Variants in LIMS2 observed in about 807,000 individuals in gnomAD.
The protein encoded by LIMS2 is LIM and senescent cell antigen-like-containing domain protein 2.
Under a neutral mutation model 45.3 loss-of-function variants are expected in LIMS2, and 30 were observed. The ratio of observed to expected loss-of-function variants is 0.66; its 90% CI spans 0.50 to 0.90. The LOEUF is 0.90. Ranked by LOEUF, LIMS2 falls within the 40% of genes least tolerant of loss-of-function variation. The pLI, the probability that LIMS2 is intolerant of heterozygous loss-of-function variation, is 0.00. For missense variants in LIMS2, 485 were observed against 468.7 expected (o/e 1.03, Z -0.32); for synonymous variants, 173 against 188.0 (o/e 0.92, Z 0.65).
chr2:127,664,411 G>A lies in LIMS2; in HGVS notation c.12-6849C>T, dbSNP rs1435434781. ...CATGGCGCGGGGCAGCCGCCTTGAG[G>A]TCGCGGGCGCGGGCCGCCTGGTGCA... On this transcript the variant is annotated intron_variant, in intron 1 of 9. Coordinates refer to ENST00000355119, the MANE Select transcript of LIMS2 (RefSeq NM_001161403.3). This position sits in a 1 kb window ranked among gnomAD's most constrained non-coding sequence, Gnocchi z 5.5. 3 of 1,196,488 alleles carry A rather than the reference G, an allele frequency of 2.5e-6. No individual in the cohort carries two copies. The highest frequency in any genetic ancestry group is 3.1e-6 in the Non-Finnish European group (3 of 965,266). The allele number at this position is 1,196,488 out of a possible 1,614,324, so 74.1% of individuals were successfully genotyped here. A position where few individuals can be genotyped will look rare whatever the true frequency, so the allele number is the denominator to read the frequency against.
chr2:127,640,644 G>C (rs1335395451), intron 7 of LIMS2: 2 of 597,190 alleles, frequency 3.3e-6, no homozygotes, highest in Admixed American at 5.9e-5. Flanking sequence ...GGAGGGGGTT[G>C]CTGGCACTGT....
chr2:127,650,300 A>G, intron 4 of LIMS2: 1 of 577,030 alleles, frequency 1.7e-6, no homozygotes. Flanking sequence ...GGAATCCCGG[A>G]GACACACTGC....
In LIMS2 at chr2:127,640,084, G is replaced by C; in HGVS notation, c.864C>G (p.Ser288Arg). 6.2e-7 allele frequency: 1 copy of C among 1,613,504 alleles called. No individual in the cohort carries two copies. The highest frequency in any genetic ancestry group is 8.5e-7 in the Non-Finnish European group (1 of 1,179,990). The change falls in exon 9 of 10, where the codon AGC becomes AGG. Residue 288 changes from serine to arginine, a missense_variant. Transcript: ENST00000355119. ...CAGGGACTCACTTCAGGGTGAGCTT[G>C]CTGTTGCAGGTGGAGCAGGAGAAGC... is the stretch of plus-strand genomic sequence containing the variant. ...VSCFSCSTCNSKLTLKNKFVE... is the reference protein window; with the variant it reads ...VSCFSCSTCNRKLTLKNKFVE...
At chr2:127,669,360 C>T (rs1685177454) in intron 1 of LIMS2, among the ~76,000 whole-genome samples, 1 of 152,096 alleles carries the variant, frequency 6.6e-6, no homozygotes, top group South Asian at 2.1e-4. Flanking sequence ...AAAGTTAAAA[C>T]GTGTGTATCA....
chr2:127,665,264 G>C (rs1684943537), intron 1 of LIMS2, among the ~76,000 whole-genome samples: 3 of 152,308 alleles, frequency 2.0e-5, no homozygotes, highest in African/African-American at 7.2e-5. Flanking sequence ...AGAAAGGTCA[G>C]AAAGCTTGAG....
upstream of LIMS2, among the ~76,000 whole-genome samples, chr2:127,678,803 G>A (rs577384985): frequency 2.0e-5 from 3 of 152,248 alleles, no homozygotes; most frequent in Non-Finnish European, 2.9e-5. The surrounding 1 kb of genome is among the most constrained non-coding windows in gnomAD (Gnocchi z 5.3). Flanking sequence ...GGGTGACGTT[G>A]CATTGGGCCC....
At position 127,662,527 on chromosome 2, in the gene LIMS2, G is replaced by A. The variant is rs528575093; in HGVS notation, c.12-4965C>T. 2.4e-4 allele frequency among the ~76,000 whole-genome samples: 36 copies of A among 151,606 alleles called. No individual in the cohort carries two copies. The East Asian group carries it at 6.4e-3, about 27-fold the overall frequency. On this transcript the variant is annotated intron_variant, in intron 1 of 9. Coordinates refer to ENST00000355119, the MANE Select transcript of LIMS2 (RefSeq NM_001161403.3). The stretch of plus-strand genomic sequence containing the variant: ...CAAAAAGCCAGCCCACCATGGGGAC[G>A]CTAGAAAATTAACATGCTGCCTGTT...
rs982931491 is a variant in LIMS2, at chr2:127,642,754, C to T, written c.509+169G>A. ...GCTTCCTGCCATGGCTGCTTCCCAG[C>T]CCCCAGCCCACCTCTGCCCTGCAGC... is the stretch of plus-strand genomic sequence containing the variant. On this transcript the variant is annotated intron_variant, in intron 5 of 9. Transcript: ENST00000355119. This position sits in a 1 kb window ranked among gnomAD's most constrained non-coding sequence, Gnocchi z 5.3. The T allele has an allele frequency of 2.8e-6, 2 of 718,946 alleles. No homozygotes were observed. Among genetic ancestry groups the T allele is most frequent in the African/African-American group, 1.8e-5 (1 of 55,960 alleles). The allele number at this position is 718,946 out of a possible 1,614,324, so 44.5% of individuals were successfully genotyped here. A position where few individuals can be genotyped will look rare whatever the true frequency, so the allele number is the denominator to read the frequency against.
At position 127,642,073 on chromosome 2, in the gene LIMS2, C is replaced by A. The variant is rs539730681; in HGVS notation, c.636G>T (p.Ala212=). Residue 212 remains alanine (A), a synonymous_variant, in exon 6 of 10, where the codon GCG becomes GCT. Coordinates refer to ENST00000355119, the MANE Select transcript of LIMS2 (RefSeq NM_001161403.3). The surrounding 1 kb of genome is among the most constrained non-coding windows in gnomAD (Gnocchi z 5.3). ...RRPIEGRVVN[A]LGKQWHVEHF... is the part of the protein sequence containing the mutation. ...CCTCCACGTGCCACTGCTTGCCCAG[C>A]GCGTTGACCACTCGGCCCTCGATGG... is the stretch of plus-strand genomic sequence containing the variant. The A allele has an allele frequency of 6.2e-7, 1 of 1,611,246 alleles. No individual in the cohort carries two copies. The highest frequency in any genetic ancestry group is 1.1e-5 in the South Asian group (1 of 90,710).
chr2:127,642,835 C>T lies in LIMS2; in HGVS notation c.509+88G>A. On this transcript the variant is annotated intron_variant, in intron 5 of 9. Transcript: ENST00000355119. This position sits in a 1 kb window ranked among gnomAD's most constrained non-coding sequence, Gnocchi z 5.3. ...CCTGCTCCCCTCTCCCTCCTCAACA[C>T]TTCCCCAGGTGGAGGCCCCACCGCC... The T allele has an allele frequency of 7.0e-7, 1 of 1,423,252 alleles. No homozygotes were observed. Among genetic ancestry groups the T allele is most frequent in the Non-Finnish European group, 9.5e-7 (1 of 1,054,136 alleles). The allele number at this position is 1,423,252 out of a possible 1,614,324, so 88.2% of individuals were successfully genotyped here.
chr2:127,654,446 C>G lies in LIMS2; in HGVS notation c.337G>C (p.Gly113Arg). 1 of 1,614,158 alleles carries G rather than the reference C, an allele frequency of 6.2e-7. No individual in the cohort carries two copies. The change falls in exon 4 of 10, where the codon GGC (glycine) becomes CGC (arginine). Residue 113 changes from glycine (G) to arginine (R), a missense_variant. Physicochemically the swap from Gly to Arg is moderately radical, Grantham distance 125 (BLOSUM62 -2). Transcript: ENST00000355119. The part of the protein sequence containing the change: ...ELCDVELADL[G>R]FVKNAGRHLC... The stretch of plus-strand genomic sequence containing the variant: ...CACCTGCCGGCATTCTTCACAAAGC[C>G]CAGGTCAGCCAGCTCCACATCACAC...
At chr2:127,661,811 G>A (rs1366766657) in intron 1 of LIMS2, among the ~76,000 whole-genome samples, 2 of 152,162 alleles carry the variant, frequency 1.3e-5, no homozygotes, top group African/African-American at 4.8e-5. Context: ...AAGGGGAGGA[G>A]GCTGGTTCCA....
At chr2:127,640,740 C>T (rs989602167) in intron 7 of LIMS2, 156 bp downstream of exon 7, 7 of 666,384 alleles carry the variant, frequency 1.1e-5, no homozygotes, top group South Asian at 5.3e-5. Flanking sequence ...GCCCAGGTCT[C>T]GAGACCCCAG....
At chr2:127,662,407 C>T (rs939459653) in intron 1 of LIMS2, among the ~76,000 whole-genome samples, 10 of 152,034 alleles carry the variant, frequency 6.6e-5, no homozygotes, top group African/African-American at 2.2e-4. Flanking sequence ...TCCAGTCCCT[C>T]AGCACTGCCT....
rs1019915708 is a variant in LIMS2 at position 127,659,358 on chromosome 2, G to A, written c.12-1796C>T. ...GCAAAGATGGTGGCAACAGGAGTTGGGAAGAAACCAAGAAGAAAGGAGGCC... is the reference window on the plus strand; with the variant it reads ...GCAAAGATGGTGGCAACAGGAGTTGAGAAGAAACCAAGAAGAAAGGAGGCC... On this transcript the variant is annotated intron_variant, in intron 1 of 9. Transcript: ENST00000355119. Among the ~76,000 whole-genome samples the A allele has an allele frequency of 2.0e-5, 3 of 152,306 alleles. No homozygotes were observed. The South Asian group carries it at 6.2e-4, about 32-fold the overall frequency.
intron 1 of LIMS2, among the ~76,000 whole-genome samples, chr2:127,661,467 C>T (rs1298037018): frequency 6.6e-6 from 1 of 152,342 alleles, no homozygotes; most frequent in Middle Eastern, 3.4e-3. Flanking sequence ...GCGGTCCCTG[C>T]GAGAGGTCAG....
At chr2:127,644,773 AG>A (rs1682787011) in intron 4 of LIMS2, among the ~76,000 whole-genome samples, 1 of 152,246 alleles carries the variant, frequency 6.6e-6, no homozygotes, top group South Asian at 2.1e-4. Context: ...TGCCCTGCTC[AG>A]GGTGGTTAGC....
intron 6 of LIMS2, 72 bp from the exon 7 acceptor site, chr2:127,641,060 G>A: frequency 1.6e-6 from 2 of 1,268,770 alleles, no homozygotes; most frequent in South Asian, 2.4e-5. Context: ...TGGTGACCCG[G>A]GGACAACAGT....
At chr2:127,677,121 G>A (rs1685521010), upstream of LIMS2, among the ~76,000 whole-genome samples, 1 of 152,224 alleles carries the variant, frequency 6.6e-6, no homozygotes, top group African/African-American at 2.4e-5. This position sits in a 1 kb window ranked among gnomAD's most constrained non-coding sequence, Gnocchi z 5.0. Flanking sequence ...GAGATGCAGA[G>A]GCTTCAAGGA....
Sources: allele counts gnomAD v4.1 joint callset (sites outside exome capture counted in the v4.1 genomes callset), GRCh38; gene constraint gnomAD v4.1.1; non-coding constraint Gnocchi (gnomAD v3.1); transcripts MANE v1.5; gene names NCBI Gene and HGNC (gene_info 2026-07-23, HGNC 2026-07-21).